CCDC81: variants seen among roughly 807,000 people sequenced by gnomAD.
The protein encoded by CCDC81 is coiled-coil domain-containing protein 81.
Under a neutral mutation model 83.7 loss-of-function variants are expected in CCDC81, and 79 were observed. The ratio of observed to expected loss-of-function variants is 0.94; its 90% CI spans 0.79 to 1.14. The LOEUF is 1.14. CCDC81 is among the 50% of genes most tolerant of loss of function. The probability of loss-of-function intolerance (pLI) is 0.00; values close to 1 mark genes in which losing one functional copy is unlikely to be tolerated. For missense variants in CCDC81, 791 were observed against 778.1 expected (o/e 1.02, Z -0.20); for synonymous variants, 252 against 278.1 (o/e 0.91, Z 0.93).
intron 13 of CCDC81, 24 bp from the exon 14 acceptor site, chr11:86,419,904 G>A (rs1948766454): frequency 1.3e-6 from 2 of 1,600,006 alleles, no homozygotes; most frequent in South Asian, 1.1e-5. Context: ...GTATTATGGA[G>A]CCAGGCTGTT....
chr11:86,409,732 A>G (rs1335659751), intron 10 of CCDC81, among the ~76,000 whole-genome samples: 2 of 152,178 alleles, frequency 1.3e-5, no homozygotes, highest in Non-Finnish European at 2.9e-5. Context: ...TACAAGTGTG[A>G]GCCACCATGC....
chr11:86,416,674 T>C (rs562909089), intron 13 of CCDC81, among the ~76,000 whole-genome samples: 11 of 152,328 alleles, frequency 7.2e-5, no homozygotes, highest in African/African-American at 2.6e-4. Flanking sequence ...CATCCCTGTT[T>C]CTGTATTGGT....
rs1026992281 is a variant in CCDC81 at position 86,392,537 on chromosome 11, T to C, written c.299-4T>C. 6.5e-7 allele frequency: 1 copy of C among 1,550,026 alleles called. No individual in the cohort carries two copies. Among genetic ancestry groups the C allele is most frequent in the Non-Finnish European group, 8.7e-7 (1 of 1,145,906 alleles). ...TCCCACCCCAACTGTCTTTTCTCCT[T>C]TAGGTGAAATCCCAATTGTTCCACT... On this transcript the variant is annotated splice_polypyrimidine_tract_variant and splice_region_variant and intron_variant, in intron 3 of 14. Coordinates refer to ENST00000445632, the MANE Select transcript of CCDC81 (RefSeq NM_001156474.2).
At chr11:86,414,902 T>C (rs771295737) in intron 12 of CCDC81, 35 bp downstream of exon 12, 3 of 1,516,044 alleles carry the variant, frequency 2.0e-6, no homozygotes, top group South Asian at 2.4e-5. Context: ...TTTAAAATTA[T>C]GCAATGCATC....
At chr11:86,400,987 T>C (rs1006060781) in intron 7 of CCDC81, among the ~76,000 whole-genome samples, 186 bp downstream of exon 7, 22 of 152,120 alleles carry the variant, frequency 1.4e-4, no homozygotes, top group African/African-American at 5.1e-4. Flanking sequence ...AAGCCAGACA[T>C]ATGCAGAGGG....
chr11:86,405,757 C>G (rs931077870), intron 7 of CCDC81, among the ~76,000 whole-genome samples: 1 of 148,548 alleles, frequency 6.7e-6, no homozygotes, highest in Admixed American at 6.7e-5. Context: ...TTACCAATTT[C>G]TTTGGTCACC....
At chr11:86,400,627 T>C (rs1356721462) in intron 6 of CCDC81, 51 bp from the exon 7 acceptor site, 5 of 1,545,128 alleles carry the variant, frequency 3.2e-6, no homozygotes, top group Non-Finnish European at 4.4e-6. Flanking sequence ...ACACAGTTAG[T>C]GGTTTGAGAG....
chr11:86,421,157 T>C (rs1337779293), intron 14 of CCDC81, among the ~76,000 whole-genome samples: 1 of 152,146 alleles, frequency 6.6e-6, no homozygotes, highest in Non-Finnish European at 1.5e-5. Flanking sequence ...AAGAAGGAAT[T>C]GGTTGGCACA....
At chr11:86,403,651 G>A (rs774705634) in intron 7 of CCDC81, among the ~76,000 whole-genome samples, 2 of 152,226 alleles carry the variant, frequency 1.3e-5, no homozygotes, top group Non-Finnish European at 2.9e-5. Flanking sequence ...AGGGCCTTAA[G>A]AGCATATCAA....
intron 14 of CCDC81, among the ~76,000 whole-genome samples, chr11:86,421,737 G>A (rs1303280238): frequency 6.6e-6 from 1 of 152,128 alleles, no homozygotes; most frequent in African/African-American, 2.4e-5. Flanking sequence ...AGCAAACATG[G>A]TGAAACCCCA....
At chr11:86,396,696 T>G (rs116876726) in intron 5 of CCDC81, among the ~76,000 whole-genome samples, 3 of 152,168 alleles carry the variant, frequency 2.0e-5, no homozygotes, top group Non-Finnish European at 4.4e-5. Context: ...GAAATGGCCA[T>G]GCAACTAATA....
chr11:86,382,241 A>G (rs528995013), intron 1 of CCDC81, among the ~76,000 whole-genome samples: 68 of 152,298 alleles, frequency 4.5e-4, no homozygotes, highest in Non-Finnish European at 7.6e-4. Flanking sequence ...GTGGGGAATG[A>G]ATAGGAGGGT....
chr11:86,379,121 T>C (rs11607075), intron 1 of CCDC81, among the ~76,000 whole-genome samples: 27,209 of 150,904 alleles, frequency 0.18, 3,135 homozygotes, highest in Non-Finnish European at 0.24. Context: ...TTTTGAGACA[T>C]AGTCTTGCTG....
chr11:86,423,076 T>C lies in CCDC81; in HGVS notation c.*361T>C, dbSNP rs895160377. On this transcript the variant is annotated 3_prime_UTR_variant, in exon 15 of 15. Coordinates refer to ENST00000445632, the MANE Select transcript of CCDC81 (RefSeq NM_001156474.2). ...CAAAACTTTTTTCATCTGTAATGAA[T>C]AGTGGCAATAATAAATATTTTTTAA... The C allele has an allele frequency of 5.1e-6, 1 of 194,798 alleles. No homozygotes were observed. Among genetic ancestry groups the C allele is most frequent in the South Asian group, 1.2e-4 (1 of 8,178 alleles). 12.1% of individuals were successfully genotyped at this position (194,798 alleles called of 1,614,324 possible). A position where few individuals can be genotyped will look rare whatever the true frequency, so the allele number is the denominator to read the frequency against.
chr11:86,392,500 C>A (rs1456993006), intron 3 of CCDC81, 41 bp from the exon 4 acceptor site: 2 of 1,541,388 alleles, frequency 1.3e-6, no homozygotes, highest in South Asian at 1.2e-5. Context: ...ATGGTAATCA[C>A]CACTTTCTTT....
chr11:86,378,587 A>G (rs1411114481), intron 1 of CCDC81, among the ~76,000 whole-genome samples: 1 of 152,206 alleles, frequency 6.6e-6, no homozygotes, highest in Non-Finnish European at 1.5e-5. Flanking sequence ...TTCAAGTATG[A>G]TAATGGATTC....
intron 7 of CCDC81, among the ~76,000 whole-genome samples, chr11:86,403,689 G>A (rs1477447100): frequency 6.6e-6 from 1 of 152,182 alleles, no homozygotes; most frequent in Non-Finnish European, 1.5e-5. Flanking sequence ...ATATGGGTGG[G>A]ACTCTGGGCT....
chr11:86,420,108 G>T (rs1012462379), intron 14 of CCDC81, 55 bp downstream of exon 14: 78 of 1,581,668 alleles, frequency 4.9e-5, no homozygotes, highest in Non-Finnish European at 5.8e-5. Context: ...ACAGCAACAG[G>T]TTTCAAGTGG....
In CCDC81 at chr11:86,398,961, T is replaced by C. The variant is rs1948446362; in HGVS notation, c.757+1219T>C. ...GACTGTTCCTCTAGCAGATTGTTGC[T>C]TTGCGGAAATGTGGCCCAAGTGATA... On this transcript the variant is annotated intron_variant, in intron 6 of 14. Transcript: ENST00000445632. Among the ~76,000 whole-genome samples, 3 of 152,338 alleles carry C rather than the reference T, an allele frequency of 2.0e-5. No homozygotes were observed. In the South Asian group the frequency reaches 6.2e-4, roughly 32 times the overall value.
Sources: allele counts gnomAD v4.1 joint callset (sites outside exome capture counted in the v4.1 genomes callset), GRCh38; gene constraint gnomAD v4.1.1; transcripts MANE v1.5; gene names NCBI Gene and HGNC (gene_info 2026-07-23, HGNC 2026-07-21).